CDH13: variants seen among roughly 807,000 people sequenced by gnomAD.
CDH13 encodes cadherin-13.
Under a neutral mutation model 63.8 loss-of-function variants are expected in CDH13, and 24 were observed. The ratio of observed to expected loss-of-function variants is 0.38; its 90% CI spans 0.27 to 0.53. CDH13 has a LOEUF of 0.53. CDH13 is among the 20% of genes least tolerant of loss of function. The probability of loss-of-function intolerance (pLI) is 0.85; values close to 1 mark genes in which losing one functional copy is unlikely to be tolerated. For missense variants in CDH13, 1,049 were observed against 903.1 expected, an observed-to-expected ratio of 1.16 and a Z score of -2.07; for synonymous variants, 503 against 355.3, an observed-to-expected ratio of 1.42 and a Z score of -4.67.
chr16:83,635,715 C>T (rs988958365), intron 8 of CDH13, among the ~76,000 whole-genome samples: 1 of 152,114 alleles, frequency 6.6e-6, no homozygotes, highest in Non-Finnish European at 1.5e-5. Flanking sequence ...CATCCTTTGT[C>T]GGAGATGTGG....
intron 4 of CDH13, among the ~76,000 whole-genome samples, chr16:83,133,519 G>C: frequency 6.6e-6 from 1 of 152,064 alleles, no homozygotes; most frequent in East Asian, 1.9e-4. Flanking sequence ...ATGTTTTTGA[G>C]ACAGAGTCTT....
Position 83,287,797 on chromosome 16 carries a change from A to G in CDH13, c.637-57065A>G, listed in dbSNP as rs560704803. Among the ~76,000 whole-genome samples the G allele has an allele frequency of 8.2e-4, 125 of 152,306 alleles. 1 individual carries two copies. The Middle Eastern group carries it at 0.01, about 12-fold the overall frequency. Reference sequence around the variant, plus strand: ...CTGGTCCATGAAAAAATTGTCTTCCATGGAACCAGTCCCTGGCACCAAATA... The same window carrying G: ...CTGGTCCATGAAAAAATTGTCTTCCGTGGAACCAGTCCCTGGCACCAAATA... On this transcript the variant is annotated intron_variant, in intron 5 of 13. Coordinates refer to ENST00000567109, the MANE Select transcript of CDH13 (RefSeq NM_001257.5).
intron 8 of CDH13, among the ~76,000 whole-genome samples, chr16:83,626,266 G>A (rs1186293903): frequency 2.0e-5 from 3 of 152,166 alleles, no homozygotes; most frequent in Non-Finnish European, 1.5e-5. Flanking sequence ...CGGAGTCAAT[G>A]CTAGAGGCCC....
At chr16:82,933,735 C>G (rs1293527654) in intron 2 of CDH13, among the ~76,000 whole-genome samples, 1 of 152,140 alleles carries the variant, frequency 6.6e-6, no homozygotes, top group African/African-American at 2.4e-5. Flanking sequence ...TATGCTCATT[C>G]CAAATGGGAA....
chr16:83,265,529 C>A (rs765855213), intron 5 of CDH13, among the ~76,000 whole-genome samples: 1 of 151,958 alleles, frequency 6.6e-6, no homozygotes, highest in Non-Finnish European at 1.5e-5. Context: ...ATCTTATGAC[C>A]ACTCTGTTGT....
At chr16:82,791,237 CAAAAAAA>C (rs3046482) in intron 1 of CDH13, among the ~76,000 whole-genome samples, 1 of 103,416 alleles carries the variant, frequency 9.7e-6, no homozygotes, top group Non-Finnish European at 1.9e-5. Context: ...ACTCCGTCTC[CAAAAAAA>C]AAAAAAAAAA....
Position 83,047,426 on chromosome 16 carries a change from C to T in CDH13, c.366+15208C>T, listed in dbSNP as rs1220690338. On this transcript the variant is annotated intron_variant, in intron 3 of 13. Transcript: ENST00000567109. The surrounding 1 kb of genome is among the most constrained non-coding windows in gnomAD (Gnocchi z 4.9). Reference sequence around the variant, plus strand: ...TTGGCCCTTGTTAACAAAGCCTAGTCTGTAAGAGCGTGACCACCAGTCTTA... The same window carrying T: ...TTGGCCCTTGTTAACAAAGCCTAGTTTGTAAGAGCGTGACCACCAGTCTTA... Among the ~76,000 whole-genome samples, 1 of 152,158 alleles carries T rather than the reference C, an allele frequency of 6.6e-6. No homozygotes were observed. The highest frequency in any genetic ancestry group is 2.4e-5 in the African/African-American group (1 of 41,442).
chr16:83,404,070 A>T (rs187140561), intron 6 of CDH13, among the ~76,000 whole-genome samples: 28 of 152,370 alleles, frequency 1.8e-4, no homozygotes, highest in Admixed American at 1.3e-3. Context: ...TTGCAGATTA[A>T]AAATCCCACA....
intron 3 of CDH13, among the ~76,000 whole-genome samples, chr16:83,090,573 CAAAAAA>C (rs372312398): frequency 7.7e-6 from 1 of 129,978 alleles, no homozygotes; most frequent in African/African-American, 2.8e-5. Context: ...AACTGCATCT[CAAAAAA>C]AAAAAAAAAA....
chr16:83,054,426 C>T (rs535413036), intron 3 of CDH13, among the ~76,000 whole-genome samples: 14 of 152,156 alleles, frequency 9.2e-5, no homozygotes, highest in Non-Finnish European at 2.1e-4. Context: ...ACTGATATCT[C>T]AGCAGTTGAC....
chr16:82,662,872 G>A (rs1261120169), intron 1 of CDH13, among the ~76,000 whole-genome samples: 4 of 148,460 alleles, frequency 2.7e-5, no homozygotes, highest in Admixed American at 6.7e-5. Flanking sequence ...GTGTGCTTGC[G>A]TGGGCATGCC....
chr16:82,786,099 AGTGATCAGAATGAGTTAGGGTGGAGCAG>A (rs1218397653), intron 1 of CDH13, among the ~76,000 whole-genome samples: 56 of 152,310 alleles, frequency 3.7e-4, no homozygotes, highest in East Asian at 3.3e-3. Context: ...AGGGTGAGCA[AGTGATCAGAATGAGTTAGGGTGGAGCAG>A]GTGATCAGAA....
intron 2 of CDH13, among the ~76,000 whole-genome samples, chr16:82,878,618 C>A (rs16958803): frequency 6.7e-6 from 1 of 149,800 alleles, no homozygotes; most frequent in East Asian, 2.1e-4. Context: ...TTCTTGGTAA[C>A]GATTTTCTCA....
rs542223960 is a variant in CDH13, at chr16:83,339,195, G to A, written c.637-5667G>A. Reference sequence around the variant, plus strand: ...GTTGATAGAGTGGCTGCGGATAGAAGAGAAGGTTTCATTTGAGGAAGAGAA... The same window carrying A: ...GTTGATAGAGTGGCTGCGGATAGAAAAGAAGGTTTCATTTGAGGAAGAGAA... On this transcript the variant is annotated intron_variant, in intron 5 of 13. Transcript: ENST00000567109. 1.3e-3 allele frequency among the ~76,000 whole-genome samples: 193 copies of A among 152,236 alleles called. 1 individual carries two copies. The highest frequency in any genetic ancestry group is 6.8e-3 in the Middle Eastern group (2 of 294).
intron 3 of CDH13, among the ~76,000 whole-genome samples, chr16:83,053,208 T>C (rs1328927724): frequency 6.6e-6 from 1 of 152,234 alleles, no homozygotes; most frequent in African/African-American, 2.4e-5. Context: ...TTATATGGTA[T>C]TCATTGTTAA....
Position 83,102,698 on chromosome 16 carries a change from G to A in CDH13, c.367-22687G>A, listed in dbSNP as rs180936162. Among the ~76,000 whole-genome samples the A allele has an allele frequency of 2.0e-4, 30 of 152,214 alleles. No individual in the cohort carries two copies. In the East Asian group the frequency reaches 5.0e-3, roughly 26 times the overall value. On this transcript the variant is annotated intron_variant, in intron 3 of 13. Coordinates refer to ENST00000567109, the MANE Select transcript of CDH13 (RefSeq NM_001257.5). Reference sequence around the variant, plus strand: ...TGTAGAGGTATAGTCAGGAGATGTGGAGCAGTTAGGAGGATTGTGTTTTGA... The same window carrying A: ...TGTAGAGGTATAGTCAGGAGATGTGAAGCAGTTAGGAGGATTGTGTTTTGA...
At chr16:83,030,768 C>A (rs562503703) in intron 2 of CDH13, among the ~76,000 whole-genome samples, 17 of 151,524 alleles carry the variant, frequency 1.1e-4, no homozygotes, top group Middle Eastern at 6.9e-3. Context: ...ACAAATCGTC[C>A]AGGGCTACCA....
At chr16:82,752,797 A>G (rs942095666) in intron 1 of CDH13, among the ~76,000 whole-genome samples, 5 of 152,286 alleles carry the variant, frequency 3.3e-5, no homozygotes, top group African/African-American at 9.6e-5. Flanking sequence ...CATGATATCA[A>G]TACCTCCACC....
chr16:83,351,882 A>G (rs577736218), intron 6 of CDH13, among the ~76,000 whole-genome samples: 1 of 152,354 alleles, frequency 6.6e-6, no homozygotes, highest in South Asian at 2.1e-4. Flanking sequence ...ACACAAACAT[A>G]CTGATGGATA....
Sources: gnomAD v4.1 joint callset for allele counts (sites outside exome capture counted in the v4.1 genomes callset) on GRCh38, gnomAD v4.1.1 for gene constraint, Gnocchi (gnomAD v3.1) non-coding constraint, MANE v1.5 for transcripts, NCBI Gene and HGNC (gene_info 2026-07-23, HGNC 2026-07-21) for gene names.